The following IMMP2L variants were observed in gnomAD, a reference collection of about 807,000 sequenced individuals.
The protein encoded by IMMP2L is mitochondrial inner membrane protease subunit 2.
In IMMP2L, 18 loss-of-function variants were observed where a neutral mutation model predicts 19.3. The ratio of observed to expected loss-of-function variants is 0.93; its 90% confidence interval spans 0.64 to 1.38. The LOEUF (loss-of-function observed/expected upper bound fraction) is 1.38, where lower values mean the gene tolerates loss of function less well. Among genes scored for constraint, IMMP2L ranks in the 40% most tolerant of loss-of-function variants. The pLI is 0.00. For synonymous variants in IMMP2L, 76 were observed against 73.0 expected, an observed-to-expected ratio of 1.04 and a Z score of -0.21; for missense variants, 233 against 218.2, an observed-to-expected ratio of 1.07 and a Z score of -0.43.
chr7:110,912,993 C>G (rs1475182540), intron 4 of IMMP2L, among the ~76,000 whole-genome samples: 1 of 151,996 alleles, frequency 6.6e-6, no homozygotes, highest in Non-Finnish European at 1.5e-5. Flanking sequence ...TGGAGATCAT[C>G]TCATGATAAA....
chr7:111,029,457 C>T (rs1827180585), intron 3 of IMMP2L, among the ~76,000 whole-genome samples: 1 of 152,106 alleles, frequency 6.6e-6, no homozygotes, highest in Non-Finnish European at 1.5e-5. Context: ...TATTAGTAAG[C>T]CACTGAAGAG....
At chr7:110,967,054 A>T (rs993449818) in intron 3 of IMMP2L, among the ~76,000 whole-genome samples, 1 of 152,062 alleles carries the variant, frequency 6.6e-6, no homozygotes, top group Non-Finnish European at 1.5e-5. Flanking sequence ...TGGATTTTAA[A>T]CATTCTGTTT....
intron 4 of IMMP2L, among the ~76,000 whole-genome samples, chr7:110,910,300 C>T (rs1028613007): frequency 3.9e-4 from 60 of 152,182 alleles, no homozygotes; most frequent in African/African-American, 1.4e-3. Context: ...CATTTTTCCT[C>T]TCTTGATAGC....
rs1291310513 is a variant in IMMP2L, at chr7:111,539,208, A to AGGAAGGAAGG, written c.-2-17760_-2-17759insCCTTCCTTCC. On this transcript the variant is annotated intron_variant, in intron 1 of 5. Transcript: ENST00000405709. ...GGAAGGAAGGAGGGAGAAAGAAAGA[A>AGGAAGGAAGG]AGAAAGAAAGAAAGAAAGAAAGAAA... Among the ~76,000 whole-genome samples the AGGAAGGAAGG allele has an allele frequency of 1.1e-3, 51 of 45,698 alleles. 6 individuals are homozygous for AGGAAGGAAGG. Among genetic ancestry groups the AGGAAGGAAGG allele is most frequent in the East Asian group, 1.3e-3 (2 of 1,488 alleles). 30.0% of individuals were successfully genotyped at this position (45,698 alleles called of 152,430 possible). A position where few individuals can be genotyped will look rare whatever the true frequency, so the allele number is the denominator to read the frequency against.
At chr7:111,444,387 C>T (rs1460621656) in intron 3 of IMMP2L, among the ~76,000 whole-genome samples, 1 of 152,084 alleles carries the variant, frequency 6.6e-6, no homozygotes, top group African/African-American at 2.4e-5. Flanking sequence ...GCTTCCACCA[C>T]TTACAAGCTT....
In IMMP2L at chr7:111,093,241, T is replaced by C. The variant is rs189352378; in HGVS notation, c.240-129676A>G. Among the ~76,000 whole-genome samples the C allele has an allele frequency of 1.4e-4, 21 of 152,324 alleles. No homozygotes were observed. The East Asian group carries it at 4.1e-3, about 29-fold the overall frequency. Reference sequence around the variant, plus strand: ...GTGCTGAAGCATCAGCTTGCAATATTGGCAGCTTTGCTCGCTCTGCCTCAA... The same window carrying C: ...GTGCTGAAGCATCAGCTTGCAATATCGGCAGCTTTGCTCGCTCTGCCTCAA... On this transcript the variant is annotated intron_variant, in intron 3 of 5. Coordinates refer to ENST00000405709, the MANE Select transcript of IMMP2L (RefSeq NM_032549.4).
At chr7:111,203,062 C>T (rs762594763) in intron 3 of IMMP2L, among the ~76,000 whole-genome samples, 2 of 152,076 alleles carry the variant, frequency 1.3e-5, no homozygotes, top group Non-Finnish European at 2.9e-5. Flanking sequence ...TACAACCTCC[C>T]AAACTAGTAC....
At chr7:111,016,705 TA>T (rs1394844954) in intron 3 of IMMP2L, among the ~76,000 whole-genome samples, 28 of 101,352 alleles carry the variant, frequency 2.8e-4, no homozygotes, top group African/African-American at 8.0e-4. Flanking sequence ...ATATTATATA[TA>T]ATTTTATATA....
intron 2 of IMMP2L, among the ~76,000 whole-genome samples, chr7:111,505,532 G>T (rs1844798440): frequency 6.6e-6 from 1 of 151,974 alleles, no homozygotes; most frequent in Non-Finnish European, 1.5e-5. Flanking sequence ...CATATATATT[G>T]TGGCACTATT....
intron 4 of IMMP2L, among the ~76,000 whole-genome samples, chr7:110,934,113 G>C (rs968175137): frequency 2.0e-5 from 3 of 152,154 alleles, no homozygotes; most frequent in African/African-American, 7.2e-5. Flanking sequence ...AGTCATTCAG[G>C]AGCAGGTTGT....
chr7:111,343,444 T>C (rs1194365928), intron 3 of IMMP2L, among the ~76,000 whole-genome samples: 1 of 152,052 alleles, frequency 6.6e-6, no homozygotes, highest in Non-Finnish European at 1.5e-5. Context: ...CTATATCCTG[T>C]CCTTTCTAAC....
intron 3 of IMMP2L, among the ~76,000 whole-genome samples, chr7:111,208,100 T>G (rs1034211099): frequency 6.6e-6 from 1 of 152,144 alleles, no homozygotes. Context: ...CAGGACCTAA[T>G]GGACTCAAAC....
At chr7:111,369,955 C>G (rs941687169) in intron 3 of IMMP2L, among the ~76,000 whole-genome samples, 2 of 152,030 alleles carry the variant, frequency 1.3e-5, no homozygotes, top group East Asian at 1.9e-4. Context: ...GTGATCCATG[C>G]TAGAAAACAA....
chr7:110,756,978 A>T (rs1798076477), intron 5 of IMMP2L, among the ~76,000 whole-genome samples: 1 of 151,988 alleles, frequency 6.6e-6, no homozygotes, highest in Non-Finnish European at 1.5e-5. Context: ...ATACATATTT[A>T]TTGTATTTAC....
chr7:110,945,528 T>C (rs1817165525), intron 4 of IMMP2L, among the ~76,000 whole-genome samples: 1 of 151,968 alleles, frequency 6.6e-6, no homozygotes, highest in Non-Finnish European at 1.5e-5. Flanking sequence ...GACTCAGCTA[T>C]GGGATCCACC....
chr7:110,755,741 G>T (rs531543653), intron 5 of IMMP2L, among the ~76,000 whole-genome samples: 1 of 152,206 alleles, frequency 6.6e-6, no homozygotes, highest in African/African-American at 2.4e-5. Flanking sequence ...GCGGAAGTTT[G>T]CTGGGTTGAT....
intron 3 of IMMP2L, among the ~76,000 whole-genome samples, chr7:111,127,439 T>G (rs1160779232): frequency 6.6e-6 from 1 of 152,232 alleles, no homozygotes; most frequent in African/African-American, 2.4e-5. Flanking sequence ...TTAAGAAATA[T>G]GCATTCTGAA....
chr7:111,417,317 G>A (rs551332984), intron 3 of IMMP2L, among the ~76,000 whole-genome samples: 1 of 151,764 alleles, frequency 6.6e-6, no homozygotes, highest in African/African-American at 2.4e-5. Flanking sequence ...TCCTGTTGTC[G>A]GGTGGAGGGC....
intron 5 of IMMP2L, chr7:110,724,366 T>C (rs993248129): frequency 3.9e-5 from 6 of 152,160 alleles, no homozygotes; most frequent in African/African-American, 1.2e-4. Context: ...GCAAAAGTAA[T>C]GTCAGAGCCA....
Sources: allele counts gnomAD v4.1 joint callset (sites outside exome capture counted in the v4.1 genomes callset), GRCh38; gene constraint gnomAD v4.1.1; transcripts MANE v1.5; gene names NCBI Gene and HGNC (gene_info 2026-07-23, HGNC 2026-07-21).